Variants in DHX36 observed in about 807,000 individuals in gnomAD.
DHX36 encodes the protein DEAH-box helicase 36.
A neutral mutation model predicts 139.0 loss-of-function variants in DHX36; 50 were observed. The observed-to-expected ratio is 0.36, with a 90% CI of 0.29 to 0.46. The LOEUF is 0.46. DHX36 is among the 20% of genes least tolerant of loss of function. The pLI is 1.00. For missense variants in DHX36, 1,024 were observed against 1,211.3 expected, an observed-to-expected ratio of 0.85 and a Z score of 2.29; for synonymous variants, 425 against 401.9, an observed-to-expected ratio of 1.06 and a Z score of -0.69.
At chr3:154,286,919 C>T (rs906101978) in intron 17 of DHX36, among the ~76,000 whole-genome samples, 5 of 152,060 alleles carry the variant, frequency 3.3e-5, no homozygotes, top group Non-Finnish European at 4.4e-5. Flanking sequence ...TGGGCTCAAG[C>T]AGTCCTCCCA....
chr3:154,295,220 CA>C (rs1179152026), intron 13 of DHX36, 63 bp downstream of exon 13: 33 of 947,074 alleles, frequency 3.5e-5, no homozygotes, highest in Middle Eastern at 2.2e-4. Flanking sequence ...AAACACGTAA[CA>C]AGCAGTCCTT....
chr3:154,298,227 G>T (rs1267709687), intron 12 of DHX36, among the ~76,000 whole-genome samples: 2 of 152,002 alleles, frequency 1.3e-5, no homozygotes, highest in African/African-American at 4.8e-5. Flanking sequence ...TACACTAAAT[G>T]ATAACGTTAT....
intron 3 of DHX36, among the ~76,000 whole-genome samples, chr3:154,312,976 C>T (rs1015936012): frequency 7.3e-6 from 1 of 137,700 alleles, no homozygotes; most frequent in Non-Finnish European, 1.5e-5. Flanking sequence ...GTAATTCTTA[C>T]CAATACCATA....
intron 20 of DHX36, among the ~76,000 whole-genome samples, chr3:154,282,654 A>G (rs900969848): frequency 6.6e-6 from 1 of 151,528 alleles, no homozygotes; most frequent in Non-Finnish European, 1.5e-5. Flanking sequence ...TAGATCTGTT[A>G]AATGTCCAGT....
At position 154,316,201 on chromosome 3, in the gene DHX36, A is replaced by T. The variant is rs72996668; in HGVS notation, c.244-38T>A. The T allele has an allele frequency of 1.0e-3, 1,667 of 1,607,926 alleles. 18 individuals are homozygous for T. In the African/African-American group the frequency reaches 0.02, roughly 19 times the overall value. On this transcript the variant is annotated intron_variant, in intron 1 of 24. Coordinates refer to ENST00000496811, the MANE Select transcript of DHX36 (RefSeq NM_020865.3). ...AAGAAAAAAGCATCCTTGTCAACAT[A>T]AGAAAGCATATGCAAAAATTATTTG...
intron 5 of DHX36, 140 bp downstream of exon 5, chr3:154,309,513 A>T: frequency 1.7e-6 from 1 of 603,704 alleles, no homozygotes; most frequent in Non-Finnish European, 2.5e-6. Context: ...CTTTATTATT[A>T]AACATGTTAA....
intron 3 of DHX36, among the ~76,000 whole-genome samples, chr3:154,313,047 C>T (rs930300283): frequency 2.0e-5 from 3 of 150,318 alleles, no homozygotes; most frequent in Admixed American, 1.3e-4. Flanking sequence ...ACAAAAGCTA[C>T]CACACTTATC....
intron 1 of DHX36, among the ~76,000 whole-genome samples, chr3:154,323,192 G>A (rs779680306): frequency 1.3e-4 from 20 of 151,988 alleles, no homozygotes; most frequent in African/African-American, 9.7e-5. Flanking sequence ...AAAATTAGCC[G>A]GAGGTGGTGG....
rs116322600 is a variant in DHX36 at position 154,322,259 on chromosome 3, T to A, written c.243+1915A>T. ...ATTACCAAGATTTCCAGAGAACATG[T>A]CAAGATGCAACTGAAATATATCAGA... On this transcript the variant is annotated intron_variant, in intron 1 of 24. Transcript: ENST00000496811. Among the ~76,000 whole-genome samples, 646 of 152,300 alleles carry A rather than the reference T, an allele frequency of 4.2e-3. 3 individuals carry two copies. The highest frequency in any genetic ancestry group is 0.014 in the Middle Eastern group (4 of 294).
At chr3:154,297,356 C>A (rs1369708424) in intron 12 of DHX36, among the ~76,000 whole-genome samples, 1 of 152,142 alleles carries the variant, frequency 6.6e-6, no homozygotes, top group Non-Finnish European at 1.5e-5. Flanking sequence ...CTGCAATTGA[C>A]TTTAAGAAAA....
At chr3:154,299,565 C>A (rs1441745954) in intron 12 of DHX36, among the ~76,000 whole-genome samples, 1 of 152,076 alleles carries the variant, frequency 6.6e-6, no homozygotes, top group Non-Finnish European at 1.5e-5. Context: ...GTTGTATACT[C>A]AGAATTCAGA....
intron 3 of DHX36, among the ~76,000 whole-genome samples, chr3:154,312,870 T>C (rs1476366699): frequency 1.0e-5 from 1 of 98,746 alleles, no homozygotes; most frequent in Non-Finnish European, 1.9e-5. Context: ...TATATATATA[T>C]ATATATATAT....
Position 154,315,061 on chromosome 3 carries a change from C to A in DHX36, c.588G>T (p.Arg196=), listed in dbSNP as rs767669619. The A allele has an allele frequency of 6.2e-6, 10 of 1,602,096 alleles. No individual in the cohort carries two copies. The highest frequency in any genetic ancestry group is 1.1e-5 in the South Asian group (1 of 88,600). The change falls in exon 3 of 25, where the codon CGG becomes CGT. Residue 196 remains arginine (R), a synonymous_variant. Coordinates refer to ENST00000496811, the MANE Select transcript of DHX36 (RefSeq NM_020865.3). ...EDLQKKKNDL[R]YIEMQHFREK... ...TTTCTACTACCTGCATTTCAATATA[C>A]CGAAGGTCATTTTTTTTCTTTTGTA...
intron 11 of DHX36, 49 bp from the exon 12 acceptor site, chr3:154,299,974 C>T: frequency 1.6e-6 from 2 of 1,274,774 alleles, no homozygotes; most frequent in Middle Eastern, 1.9e-4. Flanking sequence ...CAACAAAATG[C>T]AGTAACAGTA....
At chr3:154,322,966 ATGG>A (rs1193649647) in intron 1 of DHX36, among the ~76,000 whole-genome samples, 3 of 152,236 alleles carry the variant, frequency 2.0e-5, no homozygotes, top group Admixed American at 2.0e-4. Flanking sequence ...ATGAAGATAA[ATGG>A]ATAAGGCCCC....
intron 15 of DHX36, among the ~76,000 whole-genome samples, chr3:154,290,966 C>G (rs1711778675): frequency 6.6e-6 from 1 of 150,390 alleles, no homozygotes; most frequent in Non-Finnish European, 1.5e-5. Context: ...AACCCCGTCT[C>G]TACTAAAAAT....
intron 15 of DHX36, among the ~76,000 whole-genome samples, chr3:154,290,360 G>C (rs1036927120): frequency 6.6e-6 from 1 of 152,060 alleles, no homozygotes; most frequent in Non-Finnish European, 1.5e-5. Flanking sequence ...TGTAGGCCGG[G>C]CGCGATGGCT....
intron 15 of DHX36, among the ~76,000 whole-genome samples, chr3:154,290,331 G>A (rs985267921): frequency 2.0e-5 from 3 of 151,904 alleles, no homozygotes; most frequent in African/African-American, 7.3e-5. Context: ...ATCATTTTTT[G>A]AACAATGATA....
chr3:154,320,997 C>T (rs1197477674), intron 1 of DHX36, among the ~76,000 whole-genome samples: 2 of 152,084 alleles, frequency 1.3e-5, no homozygotes, highest in Non-Finnish European at 1.5e-5. Flanking sequence ...CTCAAGGCCC[C>T]GCGTATTTTT....
Sources: allele counts gnomAD v4.1 joint callset (sites outside exome capture counted in the v4.1 genomes callset), GRCh38; gene constraint gnomAD v4.1.1; transcripts MANE v1.5; gene names NCBI Gene and HGNC (gene_info 2026-07-23, HGNC 2026-07-21).